The following WDR25 variants were observed in gnomAD, a reference collection of about 807,000 sequenced individuals.
The protein encoded by WDR25 is WD repeat-containing protein 25.
WDR25 carries 35 observed loss-of-function variants against 47.7 expected under a neutral mutation model. The ratio of observed to expected loss-of-function variants is 0.73; its 90% CI spans 0.56 to 0.97. The LOEUF (loss-of-function observed/expected upper bound fraction) is 0.97. Ranked by LOEUF, WDR25 falls within the 50% of genes least tolerant of loss-of-function variation. The pLI, the probability that WDR25 is intolerant of heterozygous loss-of-function variation, is 0.00. For missense variants in WDR25, 634 were observed against 704.7 expected (o/e 0.90, Z 1.14); for synonymous variants, 248 against 278.9 (o/e 0.89, Z 1.10).
At chr14:100,415,170 G>A (rs1897835108) in intron 2 of WDR25, among the ~76,000 whole-genome samples, 1 of 152,176 alleles carries the variant, frequency 6.6e-6, no homozygotes, top group African/African-American at 2.4e-5. Context: ...TACTAAGGAT[G>A]AGATGGTGCT....
At chr14:100,382,059 G>A (rs1375817342) in intron 2 of WDR25, 2 of 702,820 alleles carry the variant, frequency 2.8e-6, no homozygotes, top group Non-Finnish European at 5.2e-6. Flanking sequence ...CCAAGCCCTG[G>A]GGACTGGGGA....
chr14:100,418,118 T>C (rs1440018596), intron 2 of WDR25, among the ~76,000 whole-genome samples: 9 of 151,638 alleles, frequency 5.9e-5, no homozygotes, highest in Admixed American at 5.9e-4. Flanking sequence ...ATTTTTGTAC[T>C]TTTAGTAGAG....
intron 4 of WDR25, among the ~76,000 whole-genome samples, chr14:100,510,796 T>C (rs1327136194): frequency 6.7e-6 from 1 of 149,966 alleles, no homozygotes; most frequent in Non-Finnish European, 1.5e-5. Context: ...AGAGACAGGG[T>C]CTCGCCATGT....
intron 1 of WDR25, among the ~76,000 whole-genome samples, chr14:100,377,630 T>C (rs1180133056): frequency 6.6e-6 from 1 of 151,684 alleles, no homozygotes; most frequent in Non-Finnish European, 1.5e-5. Context: ...AACTCTGGCT[T>C]TGCGTGTGGA....
intron 4 of WDR25, among the ~76,000 whole-genome samples, chr14:100,517,963 C>G (rs529373020): frequency 6.6e-6 from 1 of 152,288 alleles, no homozygotes; most frequent in Non-Finnish European, 1.5e-5. Context: ...TTGAAGATCC[C>G]CTTCCCAGAC....
intron 2 of WDR25, among the ~76,000 whole-genome samples, chr14:100,410,596 G>A (rs185212262): frequency 3.9e-5 from 6 of 152,246 alleles, no homozygotes; most frequent in Non-Finnish European, 7.4e-5. Context: ...ACATGGGTCC[G>A]TCCTTGCACG....
intron 2 of WDR25, among the ~76,000 whole-genome samples, chr14:100,457,177 A>G (rs1899232470): frequency 6.6e-6 from 1 of 152,104 alleles, no homozygotes; most frequent in Non-Finnish European, 1.5e-5. Context: ...CTGGTCTCGA[A>G]CCTCTGACCT....
intron 4 of WDR25, among the ~76,000 whole-genome samples, chr14:100,501,483 G>C (rs1012554445): frequency 6.6e-6 from 1 of 152,134 alleles, no homozygotes; most frequent in Non-Finnish European, 1.5e-5. Flanking sequence ...CTGTGCTTTC[G>C]GCTGAAGATG....
intron 2 of WDR25, among the ~76,000 whole-genome samples, chr14:100,432,301 T>C (rs1271105039): frequency 6.6e-6 from 1 of 152,220 alleles, no homozygotes; most frequent in Non-Finnish European, 1.5e-5. Context: ...ATATAATAAG[T>C]CAATGGGTAT....
At chr14:100,385,002 A>C (rs780613211) in intron 2 of WDR25, among the ~76,000 whole-genome samples, 1 of 152,210 alleles carries the variant, frequency 6.6e-6, no homozygotes, top group African/African-American at 2.4e-5. Flanking sequence ...AAACGATATT[A>C]GTTGTGAATC....
chr14:100,527,593 G>T (rs570762914), intron 5 of WDR25, among the ~76,000 whole-genome samples: 1 of 152,248 alleles, frequency 6.6e-6, no homozygotes. Context: ...CCATTGGGCA[G>T]GACAGGCCCT....
At position 100,499,910 on chromosome 14, in the gene WDR25, G is replaced by C. The variant is rs1900860114; in HGVS notation, c.1101+15786G>C. On this transcript the variant is annotated intron_variant, in intron 4 of 6. Transcript: ENST00000402312. This position sits in a 1 kb window ranked among gnomAD's most constrained non-coding sequence, Gnocchi z 4.4. ...CTGGTGAATGTAGAATTCAGTGTTT[G>C]GAGTCAGGTGGGATACAAGGACTGG... is the stretch of plus-strand genomic sequence containing the variant. Among the ~76,000 whole-genome samples the C allele has an allele frequency of 6.6e-6, 1 of 152,164 alleles. No homozygotes were observed. Among genetic ancestry groups the C allele is most frequent in the East Asian group, 1.9e-4 (1 of 5,194 alleles).
At chr14:100,416,903 A>G (rs1897884881) in intron 2 of WDR25, among the ~76,000 whole-genome samples, 1 of 152,198 alleles carries the variant, frequency 6.6e-6, no homozygotes, top group South Asian at 2.1e-4. Context: ...ATTTGAACTG[A>G]GGAGAAAATG....
intron 4 of WDR25, chr14:100,503,742 G>A (rs1901019644): frequency 6.6e-6 from 1 of 152,284 alleles, no homozygotes; most frequent in African/African-American, 2.4e-5. Flanking sequence ...CGTTGGCAGA[G>A]CGGGGTTGGG....
intron 4 of WDR25, among the ~76,000 whole-genome samples, chr14:100,520,573 G>A (rs1161202951): frequency 6.6e-6 from 1 of 152,212 alleles, no homozygotes; most frequent in Non-Finnish European, 1.5e-5. Flanking sequence ...ACCATCCTAT[G>A]TGATTGGCGA....
chr14:100,403,408 T>C (rs1231175363), intron 2 of WDR25, among the ~76,000 whole-genome samples: 2 of 152,316 alleles, frequency 1.3e-5, no homozygotes, highest in East Asian at 3.9e-4. Context: ...TTGGAATTAT[T>C]GGGATCGTTG....
intron 2 of WDR25, among the ~76,000 whole-genome samples, chr14:100,429,985 C>T (rs978565925): frequency 6.6e-6 from 1 of 152,138 alleles, no homozygotes; most frequent in African/African-American, 2.4e-5. Flanking sequence ...AGGGCTTCAA[C>T]ATATGAATTT....
chr14:100,400,638 A>G (rs528368400), intron 2 of WDR25, among the ~76,000 whole-genome samples: 1 of 152,356 alleles, frequency 6.6e-6, no homozygotes, highest in African/African-American at 2.4e-5. Context: ...TGAAAATGCA[A>G]AAACATTTTC....
chr14:100,458,252 A>T (rs1388132205), intron 2 of WDR25, among the ~76,000 whole-genome samples: 1 of 152,236 alleles, frequency 6.6e-6, no homozygotes, highest in East Asian at 1.9e-4. Context: ...AGACAAGAGC[A>T]GATTTCAGAG....
Sources: gnomAD v4.1 joint callset for allele counts (sites outside exome capture counted in the v4.1 genomes callset) on GRCh38, gnomAD v4.1.1 for gene constraint, Gnocchi (gnomAD v3.1) non-coding constraint, MANE v1.5 for transcripts, NCBI Gene and HGNC (gene_info 2026-07-23, HGNC 2026-07-21) for gene names.